The following DOCK4 variants were observed in gnomAD, a reference collection of about 807,000 sequenced individuals.
The protein encoded by DOCK4 is dedicator of cytokinesis protein 4.
In DOCK4, 97 loss-of-function variants were observed where a neutral mutation model predicts 268.1. The ratio of observed to expected loss-of-function variants is 0.36; its 90% CI spans 0.31 to 0.43. The LOEUF (loss-of-function observed/expected upper bound fraction) is 0.43, where lower values mean the gene tolerates loss of function less well. Ranked by LOEUF, DOCK4 falls within the 20% of genes least tolerant of loss-of-function variation. The pLI is 1.00. For missense variants in DOCK4, 2,145 were observed against 2,455.7 expected, an observed-to-expected ratio of 0.87 and a Z score of 2.67; for synonymous variants, 954 against 887.2, an observed-to-expected ratio of 1.08 and a Z score of -1.34.
At chr7:111,885,714 G>A (rs1203277513) in intron 16 of DOCK4, among the ~76,000 whole-genome samples, 2 of 151,486 alleles carry the variant, frequency 1.3e-5, no homozygotes, top group Non-Finnish European at 3.0e-5. Flanking sequence ...TCTTAAAATG[G>A]CATGGAGATA....
At chr7:111,768,209 T>C (rs1797884789) in intron 37 of DOCK4, among the ~76,000 whole-genome samples, 1 of 152,186 alleles carries the variant, frequency 6.6e-6, no homozygotes, top group Admixed American at 6.5e-5. Context: ...ATTTGACCTG[T>C]GGACCATAGT....
At chr7:111,745,683 TAAAAAAAAAAAA>T (rs781530065) in intron 44 of DOCK4, among the ~76,000 whole-genome samples, 2 of 49,614 alleles carry the variant, frequency 4.0e-5, no homozygotes, top group African/African-American at 1.8e-4. Flanking sequence ...GACTCCGTCT[TAAAAAAAAAAAA>T]AAAAAAAAAA....
chr7:111,899,869 A>C (rs1790990651), intron 15 of DOCK4, among the ~76,000 whole-genome samples: 1 of 152,230 alleles, frequency 6.6e-6, no homozygotes, highest in African/African-American at 2.4e-5. Context: ...AGTTGCAGAG[A>C]GCTGAGATTG....
chr7:111,900,310 C>A (rs1791027776), intron 15 of DOCK4, 64 bp downstream of exon 15: 6 of 1,546,328 alleles, frequency 3.9e-6, no homozygotes, highest in Non-Finnish European at 5.3e-6. Context: ...ATCTTCATGA[C>A]AGCTCAGTAA....
At chr7:111,825,524 T>G (rs1266333850) in intron 26 of DOCK4, among the ~76,000 whole-genome samples, 1 of 152,214 alleles carries the variant, frequency 6.6e-6, no homozygotes, top group African/African-American at 2.4e-5. Context: ...CAGATTCTTT[T>G]TATAATTTGA....
chr7:111,854,928 T>C (rs958844673), intron 23 of DOCK4, among the ~76,000 whole-genome samples: 1 of 152,194 alleles, frequency 6.6e-6, no homozygotes, highest in Non-Finnish European at 1.5e-5. Flanking sequence ...TGCTAGGTGA[T>C]TCAAGAAGCA....
intron 1 of DOCK4, among the ~76,000 whole-genome samples, chr7:112,031,317 G>A (rs1803251309): frequency 6.6e-6 from 1 of 152,198 alleles, no homozygotes. Context: ...CAGTGGAGTT[G>A]AGCATCACTC....
rs752729282 is a variant in DOCK4, at chr7:111,747,433, C to G, written c.4427G>C (p.Ser1476Thr). Residue 1476 changes from serine to threonine, a missense_variant, in exon 43 of 53, where the codon AGT becomes ACT. Physicochemically the swap from Ser to Thr is moderately conservative, Grantham distance 58 (BLOSUM62 1). Coordinates refer to ENST00000428084, the MANE Select transcript of DOCK4 (RefSeq NM_001363540.2). The part of the protein sequence containing the change: ...EVEKREVVEM[S>T]PLENAIEVLE... ...CACTTCAATTGCATTTTCCAGAGGA[C>G]TCATTTCTACCTGAGAAGCAAATGA... is the stretch of plus-strand genomic sequence containing the variant. 5.1e-5 allele frequency: 81 copies of G among 1,597,896 alleles called. 1 individual carries two copies. In the Admixed American group the frequency reaches 1.4e-3, roughly 27 times the overall value.
At chr7:112,109,262 AAAAC>A (rs1268202427) in intron 1 of DOCK4, among the ~76,000 whole-genome samples, 9 of 152,196 alleles carry the variant, frequency 5.9e-5, no homozygotes, top group African/African-American at 1.2e-4. Context: ...AAAACAAAAC[AAAAC>A]AAACAAACAC....
intron 12 of DOCK4, among the ~76,000 whole-genome samples, chr7:111,916,976 C>T (rs924717377): frequency 2.1e-5 from 3 of 140,352 alleles, no homozygotes; most frequent in Non-Finnish European, 3.0e-5. Context: ...ACCCTTTCCC[C>T]CATGTTTTTT....
At chr7:111,914,962 T>C (rs1792462558) in intron 13 of DOCK4, among the ~76,000 whole-genome samples, 1 of 152,224 alleles carries the variant, frequency 6.6e-6, no homozygotes, top group African/African-American at 2.4e-5. Flanking sequence ...TGGCACAAAG[T>C]TTTGATTGAT....
intron 1 of DOCK4, among the ~76,000 whole-genome samples, chr7:112,176,981 A>C (rs1484840692): frequency 6.6e-6 from 1 of 152,204 alleles, no homozygotes; most frequent in Admixed American, 6.5e-5. Context: ...CCTAGGTTAC[A>C]AGGATAATGA....
chr7:111,901,238 G>C (rs906653851), intron 14 of DOCK4, among the ~76,000 whole-genome samples: 1 of 150,294 alleles, frequency 6.7e-6, no homozygotes, highest in African/African-American at 2.5e-5. Context: ...AAGGGCTGGG[G>C]TACGAGAATT....
chr7:111,838,134 G>A (rs971357175), intron 25 of DOCK4, among the ~76,000 whole-genome samples: 15 of 141,578 alleles, frequency 1.1e-4, no homozygotes, highest in Non-Finnish European at 2.0e-4. Context: ...TCCCCAAATC[G>A]ATATATAGAT....
chr7:112,019,683 C>A (rs78426440), intron 1 of DOCK4, among the ~76,000 whole-genome samples: 1 of 152,108 alleles, frequency 6.6e-6, no homozygotes, highest in Non-Finnish European at 1.5e-5. Flanking sequence ...GCTGTCTTTC[C>A]TATCTTTACC....
chr7:112,085,628 A>T (rs912682888), intron 1 of DOCK4, among the ~76,000 whole-genome samples: 2 of 152,190 alleles, frequency 1.3e-5, no homozygotes, highest in African/African-American at 4.8e-5. Context: ...ATAAATGTAC[A>T]AGAAATGACA....
chr7:112,100,548 C>T (rs906627764), intron 1 of DOCK4, among the ~76,000 whole-genome samples: 3 of 152,238 alleles, frequency 2.0e-5, no homozygotes, highest in African/African-American at 7.2e-5. Flanking sequence ...ATTCTTAGCA[C>T]CACATCTACG....
chr7:111,771,922 GTC>G (rs974691868), intron 36 of DOCK4, among the ~76,000 whole-genome samples: 87 of 152,200 alleles, frequency 5.7e-4, no homozygotes, highest in African/African-American at 1.8e-3. Flanking sequence ...TTTCTTTTGT[GTC>G]TCTGTCAGCA....
intron 26 of DOCK4, among the ~76,000 whole-genome samples, chr7:111,829,614 T>C (rs1180633485): frequency 6.6e-6 from 1 of 152,176 alleles, no homozygotes; most frequent in Non-Finnish European, 1.5e-5. Context: ...CTAAGCAAGA[T>C]GCTCAATAAA....
Sources: allele counts gnomAD v4.1 joint callset (sites outside exome capture counted in the v4.1 genomes callset), GRCh38; gene constraint gnomAD v4.1.1; transcripts MANE v1.5; gene names NCBI Gene and HGNC (gene_info 2026-07-23, HGNC 2026-07-21).